The following ERC2 variants were observed in gnomAD, a reference collection of about 807,000 sequenced individuals.
ERC2 encodes the protein ERC protein 2.
Under a neutral mutation model 114.8 loss-of-function variants are expected in ERC2, and 42 were observed. The ratio of observed to expected loss-of-function variants is 0.37; its 90% CI spans 0.29 to 0.47. ERC2 has a LOEUF of 0.47. Ranked by LOEUF, ERC2 falls within the 20% of genes least tolerant of loss-of-function variation. The pLI is 0.99. For synonymous variants in ERC2, 454 were observed against 425.5 expected (o/e 1.07, Z -0.82); for missense variants, 939 against 1,150.7 (o/e 0.82, Z 2.66).
At chr3:56,276,689 G>GGGA (rs1276015812) in intron 3 of ERC2, among the ~76,000 whole-genome samples, 1 of 152,150 alleles carries the variant, frequency 6.6e-6, no homozygotes, top group Non-Finnish European at 1.5e-5. Flanking sequence ...TAGCTTCTTT[G>GGGA]GGAGGAGGAG....
intron 6 of ERC2, among the ~76,000 whole-genome samples, chr3:56,090,468 C>CA (rs1206745958): frequency 6.6e-6 from 1 of 152,050 alleles, no homozygotes; most frequent in Admixed American, 6.6e-5. Flanking sequence ...TTTATTGAAA[C>CA]ATACGGTTGT....
chr3:56,305,748 G>C (rs1197661139), intron 2 of ERC2, among the ~76,000 whole-genome samples: 1 of 152,244 alleles, frequency 6.6e-6, no homozygotes, highest in African/African-American at 2.4e-5. Flanking sequence ...AGCCGGGATG[G>C]CAAACTACGG....
chr3:55,733,542 T>TCTCTCTCTCTCA (rs377515133), intron 15 of ERC2, among the ~76,000 whole-genome samples: 1 of 107,806 alleles, frequency 9.3e-6, no homozygotes, highest in African/African-American at 3.7e-5. Flanking sequence ...TCTCTCTCTC[T>TCTCTCTCTCTCA]CACACACACA....
chr3:56,451,642 A>C (rs1314492268), intron 1 of ERC2, among the ~76,000 whole-genome samples: 1 of 152,258 alleles, frequency 6.6e-6, no homozygotes, highest in African/African-American at 2.4e-5. Context: ...GCAGTAAGTA[A>C]ATCAAGTAAT....
At chr3:55,837,498 G>T (rs188170803) in intron 14 of ERC2, among the ~76,000 whole-genome samples, 1 of 150,888 alleles carries the variant, frequency 6.6e-6, no homozygotes, top group East Asian at 2.0e-4. Context: ...GCAAACTGTC[G>T]CAAGGACAAA....
intron 3 of ERC2, among the ~76,000 whole-genome samples, chr3:56,191,190 G>A (rs2083974879): frequency 6.6e-6 from 1 of 152,152 alleles, no homozygotes. Context: ...CTGGTAGCCA[G>A]AGGTAGGTAG....
intron 13 of ERC2, among the ~76,000 whole-genome samples, chr3:55,916,731 C>G (rs1412125020): frequency 6.6e-6 from 1 of 152,118 alleles, no homozygotes; most frequent in African/African-American, 2.4e-5. Context: ...CCAAGCCACA[C>G]TGTATATAAT....
intron 2 of ERC2, among the ~76,000 whole-genome samples, chr3:56,411,825 C>A (rs1316818357): frequency 6.6e-6 from 1 of 152,096 alleles, no homozygotes; most frequent in Non-Finnish European, 1.5e-5. Context: ...ACCACTGCAC[C>A]AAACTGCCCA....
intron 17 of ERC2, among the ~76,000 whole-genome samples, chr3:55,585,798 A>G (rs776653237): frequency 3.3e-5 from 5 of 152,214 alleles, no homozygotes; most frequent in Non-Finnish European, 7.3e-5. Flanking sequence ...TTGATTATTA[A>G]GAACACAGAG....
chr3:55,592,037 A>C (rs1795656), intron 17 of ERC2, among the ~76,000 whole-genome samples: 109,996 of 152,088 alleles, frequency 0.72, 40,002 homozygotes, highest in East Asian at 0.83. Context: ...GCTGGTGAGG[A>C]TTCTGGGGCT....
At chr3:56,189,655 T>G (rs1378542969) in intron 3 of ERC2, among the ~76,000 whole-genome samples, 3 of 152,214 alleles carry the variant, frequency 2.0e-5, no homozygotes, top group Non-Finnish European at 4.4e-5. Context: ...AGAATTGCCT[T>G]CTGTGAGGGC....
intron 14 of ERC2, among the ~76,000 whole-genome samples, chr3:55,751,344 G>A (rs537480810): frequency 3.7e-4 from 56 of 152,240 alleles, no homozygotes; most frequent in African/African-American, 1.1e-3. Flanking sequence ...CGAGCTCCAG[G>A]TCCTTCTAGG....
chr3:56,236,626 A>C (rs1008818747), intron 3 of ERC2, among the ~76,000 whole-genome samples: 1 of 152,188 alleles, frequency 6.6e-6, no homozygotes, highest in African/African-American at 2.4e-5. Context: ...CTTCTCAAGC[A>C]CTGGGGTCTA....
chr3:56,447,468 T>A (rs988687204), intron 1 of ERC2, among the ~76,000 whole-genome samples: 1 of 152,220 alleles, frequency 6.6e-6, no homozygotes, highest in African/African-American at 2.4e-5. Flanking sequence ...GAAGGCGGTC[T>A]AGTGGAGAGA....
chr3:55,786,355 G>A (rs1286779622), intron 14 of ERC2, among the ~76,000 whole-genome samples: 5 of 152,328 alleles, frequency 3.3e-5, no homozygotes, highest in Middle Eastern at 3.4e-3. Flanking sequence ...CAAGGGCCAT[G>A]CCCATTGAGC....
intron 2 of ERC2, among the ~76,000 whole-genome samples, chr3:56,414,085 G>A (rs1313450230): frequency 1.3e-5 from 2 of 152,198 alleles, no homozygotes; most frequent in Non-Finnish European, 2.9e-5. Context: ...ACCATGGGCA[G>A]CTGTAGAAAT....
chr3:56,006,038 G>A (rs775967113), intron 10 of ERC2, among the ~76,000 whole-genome samples: 4 of 151,810 alleles, frequency 2.6e-5, no homozygotes, highest in Non-Finnish European at 4.4e-5. Context: ...GATGATGAGT[G>A]GATTGGGAAA....
intron 16 of ERC2, among the ~76,000 whole-genome samples, chr3:55,694,934 T>A (rs1437756482): frequency 2.0e-5 from 3 of 152,196 alleles, no homozygotes; most frequent in Non-Finnish European, 4.4e-5. Context: ...GCTTTTCTTA[T>A]TCACCAGGTT....
At chr3:55,927,685 G>A (rs1276349032) in intron 13 of ERC2, among the ~76,000 whole-genome samples, 3 of 151,714 alleles carry the variant, frequency 2.0e-5, no homozygotes, top group African/African-American at 7.3e-5. Flanking sequence ...TCAAATACTA[G>A]ATCTTATTCA....
Sources: allele counts gnomAD v4.1 joint callset (sites outside exome capture counted in the v4.1 genomes callset), GRCh38; gene constraint gnomAD v4.1.1; transcripts MANE v1.5; gene names NCBI Gene and HGNC (gene_info 2026-07-23, HGNC 2026-07-21).